Variants in PLCB4 observed in about 807,000 individuals in gnomAD.
PLCB4 encodes the protein phospholipase C beta 4, also known as 1-phosphatidylinositol 4,5-bisphosphate phosphodiesterase beta-4.
PLCB4 carries 77 observed loss-of-function variants against 178.8 expected under a neutral mutation model. That is an observed-to-expected ratio of 0.43 (90% CI 0.36 to 0.52). The LOEUF (loss-of-function observed/expected upper bound fraction) is 0.52, where lower values mean the gene tolerates loss of function less well. Among genes scored for constraint, PLCB4 ranks in the 20% least tolerant of loss-of-function variants. PLCB4 has a pLI of 0.00. For missense variants in PLCB4, 1,024 were observed against 1,453.4 expected (o/e 0.70, Z 4.80); for synonymous variants, 496 against 490.8 (o/e 1.01, Z -0.14).
intron 26 of PLCB4, 126 bp downstream of exon 26, chr20:9,420,035 C>T: frequency 1.9e-6 from 1 of 529,796 alleles, no homozygotes; most frequent in Non-Finnish European, 3.3e-6. Flanking sequence ...CTTAAGATTC[C>T]ACCCCCTTTT....
intron 36 of PLCB4, among the ~76,000 whole-genome samples, chr20:9,469,728 AC>A (rs2044051013): frequency 6.6e-6 from 1 of 152,146 alleles, no homozygotes; most frequent in African/African-American, 2.4e-5. Context: ...GCCGCCTGAG[AC>A]TGGGGGGAAG....
intron 3 of PLCB4, among the ~76,000 whole-genome samples, chr20:9,306,231 G>A (rs369223514): frequency 6.6e-5 from 10 of 152,120 alleles, no homozygotes; most frequent in African/African-American, 2.2e-4. Context: ...TTAGCCTCCC[G>A]AGTAGCTGGG....
intron 2 of PLCB4, among the ~76,000 whole-genome samples, chr20:9,144,687 G>A (rs1260836672): frequency 2.4e-5 from 3 of 122,558 alleles, no homozygotes; most frequent in African/African-American, 3.3e-5. Flanking sequence ...GGGAAGGAGG[G>A]GGAGGAGGGG....
intron 3 of PLCB4, among the ~76,000 whole-genome samples, chr20:9,240,822 G>A (rs1386651275): frequency 6.6e-6 from 1 of 152,136 alleles, no homozygotes; most frequent in African/African-American, 2.4e-5. Flanking sequence ...AAAGGAGAGA[G>A]GGGGAGATGA....
At chr20:9,370,909 A>T in intron 9 of PLCB4, 1 of 201,410 alleles carries the variant, frequency 5.0e-6, no homozygotes, top group Non-Finnish European at 1.0e-5. Context: ...ACTCTGTCTC[A>T]AAAAATAAAA....
At chr20:9,430,212 A>G (rs2041303702) in intron 28 of PLCB4, among the ~76,000 whole-genome samples, 1 of 152,270 alleles carries the variant, frequency 6.6e-6, no homozygotes, top group Admixed American at 6.5e-5. Context: ...TGGGTTGGGC[A>G]TGCTTATCCT....
chr20:9,242,667 C>A (rs1314697986), intron 3 of PLCB4, among the ~76,000 whole-genome samples: 1 of 152,172 alleles, frequency 6.6e-6, no homozygotes, highest in Non-Finnish European at 1.5e-5. Context: ...GGGGATTTTA[C>A]AGGATTGGAG....
chr20:9,152,655 ACTT>A (rs1030126433), intron 2 of PLCB4, among the ~76,000 whole-genome samples: 2 of 152,256 alleles, frequency 1.3e-5, no homozygotes, highest in Admixed American at 6.5e-5. Flanking sequence ...TTCATGGAGA[ACTT>A]CTGCTAGGGC....
At chr20:9,228,505 T>A (rs2093893736) in intron 3 of PLCB4, among the ~76,000 whole-genome samples, 1 of 152,100 alleles carries the variant, frequency 6.6e-6, no homozygotes. Context: ...AAAGTCCTCA[T>A]CTAATGGAAG....
At position 9,332,398 on chromosome 20, in the gene PLCB4, T is replaced by A. The variant is rs112210339; in HGVS notation, c.85-4728T>A. Reference sequence around the variant, plus strand: ...AGGGTAGGGTTATTATGTTTGTTAGTAGGAGGTGGTGAGAAACCAAATTAG... The same window carrying A: ...AGGGTAGGGTTATTATGTTTGTTAGAAGGAGGTGGTGAGAAACCAAATTAG... On this transcript the variant is annotated intron_variant, in intron 4 of 39. Coordinates refer to ENST00000378473, the MANE Select transcript of PLCB4 (RefSeq NM_001377142.1). 5.4e-3 allele frequency among the ~76,000 whole-genome samples: 814 copies of A among 152,038 alleles called. 6 individuals carry two copies. Among genetic ancestry groups the A allele is most frequent in the African/African-American group, 0.018 (732 of 41,330 alleles).
intron 3 of PLCB4, among the ~76,000 whole-genome samples, chr20:9,285,381 T>C (rs1307361321): frequency 1.3e-5 from 2 of 151,928 alleles, no homozygotes; most frequent in African/African-American, 4.8e-5. Flanking sequence ...AAATTATCAT[T>C]TTTACTTTCT....
intron 2 of PLCB4, among the ~76,000 whole-genome samples, chr20:9,201,429 A>G (rs2093544342): frequency 6.6e-6 from 1 of 152,148 alleles, no homozygotes; most frequent in Non-Finnish European, 1.5e-5. Context: ...TGTGATTATT[A>G]TTATTGGTGT....
intron 3 of PLCB4, among the ~76,000 whole-genome samples, chr20:9,281,379 T>G (rs937044391): frequency 3.9e-5 from 6 of 152,054 alleles, no homozygotes; most frequent in South Asian, 2.1e-4. Context: ...AGTGATATTA[T>G]GCATGTAAAA....
chr20:9,376,540 G>C (rs941226789), intron 12 of PLCB4, among the ~76,000 whole-genome samples: 1 of 152,146 alleles, frequency 6.6e-6, no homozygotes, highest in African/African-American at 2.4e-5. Flanking sequence ...GCAAACTAGA[G>C]TCCAGGAGGG....
chr20:9,457,384 T>C, intron 33 of PLCB4, 30 bp from the exon 34 acceptor site: 1 of 1,004,600 alleles, frequency 1.0e-6, no homozygotes, highest in Non-Finnish European at 1.6e-6. Context: ...ATCTAATTTC[T>C]GGCATGCATT....
At chr20:9,362,254 T>A (rs2035407261) in intron 7 of PLCB4, among the ~76,000 whole-genome samples, 1 of 152,206 alleles carries the variant, frequency 6.6e-6, no homozygotes, top group Non-Finnish European at 1.5e-5. Flanking sequence ...GAGACCCAAA[T>A]TCCTCTACTG....
At chr20:9,274,844 TTGTTTAAAA>T (rs1343186413) in intron 3 of PLCB4, among the ~76,000 whole-genome samples, 1 of 152,088 alleles carries the variant, frequency 6.6e-6, no homozygotes, top group Non-Finnish European at 1.5e-5. Flanking sequence ...AATTCCTACC[TTGTTTAAAA>T]TGTTTAAAAT....
At position 9,373,114 on chromosome 20, in the gene PLCB4, T is replaced by C. The variant is rs2036385979; in HGVS notation, c.744+10T>C. 3.6e-6 allele frequency: 5 copies of C among 1,389,934 alleles called. No individual in the cohort carries two copies. In the East Asian group the frequency reaches 9.2e-5, roughly 25 times the overall value. 86.1% of individuals were successfully genotyped at this position (1,389,934 alleles called of 1,614,324 possible). A position where few individuals can be genotyped will look rare whatever the true frequency, so the allele number is the denominator to read the frequency against. Reference sequence around the variant, plus strand: ...GAGCTTTCTAAATGAAGTAAGCTTTTTCATACATTAACTCCATAAAGTCTG... The same window carrying C: ...GAGCTTTCTAAATGAAGTAAGCTTTCTCATACATTAACTCCATAAAGTCTG... On this transcript the variant is annotated intron_variant, in intron 12 of 39. Coordinates refer to ENST00000378473, the MANE Select transcript of PLCB4 (RefSeq NM_001377142.1).
At chr20:9,116,067 T>A (rs1027160436) in intron 2 of PLCB4, among the ~76,000 whole-genome samples, 11 of 151,500 alleles carry the variant, frequency 7.3e-5, no homozygotes, top group African/African-American at 2.7e-4. Flanking sequence ...TAGCTAGAAA[T>A]GTGAATATAT....
Sources: allele counts gnomAD v4.1 joint callset (sites outside exome capture counted in the v4.1 genomes callset), GRCh38; gene constraint gnomAD v4.1.1; transcripts MANE v1.5; gene names NCBI Gene and HGNC (gene_info 2026-07-23, HGNC 2026-07-21).